Variants in PRKAG2 observed in about 807,000 individuals in gnomAD.
PRKAG2 encodes the protein protein kinase AMP-activated non-catalytic subunit gamma 2, also known as 5'-AMP-activated protein kinase subunit gamma-2.
A neutral mutation model predicts 69.6 loss-of-function variants in PRKAG2; 26 were observed. The observed-to-expected ratio is 0.37, with a 90% CI of 0.27 to 0.52. PRKAG2 has a LOEUF of 0.52. PRKAG2 is among the 20% of genes least tolerant of loss of function. PRKAG2 has a pLI of 0.90. For missense variants in PRKAG2, 557 were observed against 740.0 expected (o/e 0.75, Z 2.87); for synonymous variants, 293 against 285.0 (o/e 1.03, Z -0.28).
At chr7:151,628,205 G>T (rs1823493137) in intron 5 of PRKAG2, among the ~76,000 whole-genome samples, 1 of 152,192 alleles carries the variant, frequency 6.6e-6, no homozygotes, top group African/African-American at 2.4e-5. Flanking sequence ...TCATGAAGTG[G>T]TACCAGAGTA....
At chr7:151,845,648 C>A (rs973238762) in intron 1 of PRKAG2, among the ~76,000 whole-genome samples, 2 of 152,092 alleles carry the variant, frequency 1.3e-5, no homozygotes, top group Non-Finnish European at 2.9e-5. Context: ...TTTTCAGATG[C>A]CTGCCTCCCT....
Position 151,814,429 on chromosome 7 carries a change from G to T in PRKAG2, c.115-27888C>A. On this transcript the variant is annotated intron_variant, in intron 1 of 15. Transcript: ENST00000287878. This position sits in a 1 kb window ranked among gnomAD's most constrained non-coding sequence, Gnocchi z 4.8. ...AGGTCTGCTTACTCAGCCCCAAGGG[G>T]TCCTGGAGGTCTTCTCTTCCAGATG... 2 of 1,228,716 alleles carry T rather than the reference G, an allele frequency of 1.6e-6. No homozygotes were observed. The highest frequency in any genetic ancestry group is 2.0e-6 in the Non-Finnish European group (2 of 986,632). 76.1% of individuals were successfully genotyped at this position (1,228,716 alleles called of 1,614,324 possible).
chr7:151,686,352 T>C (rs1333360209), intron 3 of PRKAG2, among the ~76,000 whole-genome samples: 1 of 152,178 alleles, frequency 6.6e-6, no homozygotes, highest in Non-Finnish European at 1.5e-5. Context: ...TTCTTTATGG[T>C]CATGTGGTCC....
chr7:151,784,951 C>T (rs139944492), intron 2 of PRKAG2, among the ~76,000 whole-genome samples: 1 of 152,354 alleles, frequency 6.6e-6, no homozygotes, highest in African/African-American at 2.4e-5. Flanking sequence ...GGCGGAGGGA[C>T]AGGCCTGCTG....
intron 1 of PRKAG2, among the ~76,000 whole-genome samples, chr7:151,849,284 C>A (rs756360822): frequency 6.6e-6 from 1 of 152,256 alleles, no homozygotes; most frequent in Non-Finnish European, 1.5e-5. Flanking sequence ...CCCTCCCACA[C>A]GGGGCGGTCT....
chr7:151,619,983 T>TA (rs1821088419), intron 5 of PRKAG2, among the ~76,000 whole-genome samples: 1 of 152,168 alleles, frequency 6.6e-6, no homozygotes, highest in African/African-American at 2.4e-5. Context: ...ATCGCGCCAC[T>TA]GTACTCTAGC....
chr7:151,567,484 T>C lies in PRKAG2; in HGVS notation c.1233+1232A>G, dbSNP rs1021052717. Among the ~76,000 whole-genome samples, 1 of 152,176 alleles carries C rather than the reference T, an allele frequency of 6.6e-6. No homozygotes were observed. Among genetic ancestry groups the C allele is most frequent in the African/African-American group, 2.4e-5 (1 of 41,436 alleles). ...TGATGACTCTAAGGATTAAGTGAGC[T>C]GCAGGCCTGGCACGTGGGGGCCCTG... On this transcript the variant is annotated intron_variant, in intron 11 of 15. Coordinates refer to ENST00000287878, the MANE Select transcript of PRKAG2 (RefSeq NM_016203.4). This position sits in a 1 kb window ranked among gnomAD's most constrained non-coding sequence, Gnocchi z 4.2.
At chr7:151,681,842 T>TA (rs1833933771) in intron 3 of PRKAG2, among the ~76,000 whole-genome samples, 2 of 151,896 alleles carry the variant, frequency 1.3e-5, no homozygotes, top group South Asian at 4.2e-4. Flanking sequence ...ATTTTAGCTG[T>TA]ATGAATTACT....
Position 151,853,968 on chromosome 7 carries a change from C to T in PRKAG2, c.114+22539G>A, listed in dbSNP as rs192141647. On this transcript the variant is annotated intron_variant, in intron 1 of 15. Coordinates refer to ENST00000287878, the MANE Select transcript of PRKAG2 (RefSeq NM_016203.4). Reference sequence around the variant, plus strand: ...AAACCAAAAACAAATAGAATCCAGGCCCCCTTTATTCTACAGACAAGGATA... The same window carrying T: ...AAACCAAAAACAAATAGAATCCAGGTCCCCTTTATTCTACAGACAAGGATA... Among the ~76,000 whole-genome samples, 284 of 152,132 alleles carry T rather than the reference C, an allele frequency of 1.9e-3. 1 individual carries two copies. The highest frequency in any genetic ancestry group is 3.4e-3 in the Middle Eastern group (1 of 294).
chr7:151,590,082 G>A lies in PRKAG2; in HGVS notation c.864+5263C>T, dbSNP rs534961776. On this transcript the variant is annotated intron_variant, in intron 6 of 15. Transcript: ENST00000287878. Reference sequence around the variant, plus strand: ...ATCAGATTCCTGTAATCCAGGGCAGGCCATGGCATTGTGACTAAAAAAGCC... The same window carrying A: ...ATCAGATTCCTGTAATCCAGGGCAGACCATGGCATTGTGACTAAAAAAGCC... Among the ~76,000 whole-genome samples, 27 of 152,296 alleles carry A rather than the reference G, an allele frequency of 1.8e-4. 1 individual carries two copies. In the South Asian group the frequency reaches 5.4e-3, roughly 30 times the overall value.
chr7:151,855,258 CCA>C (rs1431936552), intron 1 of PRKAG2, among the ~76,000 whole-genome samples: 15 of 74,472 alleles, frequency 2.0e-4, no homozygotes, highest in South Asian at 5.0e-4. Context: ...ACACCACCCT[CCA>C]CACACACCAC....
In PRKAG2 at chr7:151,711,925, G is replaced by A. The variant is rs141446922; in HGVS notation, c.467-36288C>T. Among the ~76,000 whole-genome samples the A allele has an allele frequency of 8.2e-3, 1,256 of 152,310 alleles. 19 individuals are homozygous for A. The highest frequency in any genetic ancestry group is 0.028 in the African/African-American group (1,183 of 41,576). ...ATGGGGACACAGGTCCAGTGTTGGT[G>A]GCCTGCCACCGACTGGGTTTGGCAC... On this transcript the variant is annotated intron_variant, in intron 3 of 15. Coordinates refer to ENST00000287878, the MANE Select transcript of PRKAG2 (RefSeq NM_016203.4).
At chr7:151,759,685 T>G (rs1383850766) in intron 3 of PRKAG2, among the ~76,000 whole-genome samples, 3 of 152,184 alleles carry the variant, frequency 2.0e-5, no homozygotes, top group Admixed American at 2.0e-4. Flanking sequence ...AGGACCAACC[T>G]GCTCCCAGCA....
At chr7:151,731,391 AAGGCC>A (rs2151681190) in intron 3 of PRKAG2, among the ~76,000 whole-genome samples, 1 of 152,336 alleles carries the variant, frequency 6.6e-6, no homozygotes, top group Admixed American at 6.5e-5. Flanking sequence ...GCTCTGTCAC[AAGGCC>A]AGCGGGTGAA....
At chr7:151,661,008 T>TGAAC (rs1830225637) in intron 4 of PRKAG2, among the ~76,000 whole-genome samples, 1 of 152,234 alleles carries the variant, frequency 6.6e-6, no homozygotes, top group African/African-American at 2.4e-5. Flanking sequence ...CCAGAACTTC[T>TGAAC]TCATCTTACA....
At chr7:151,566,713 G>GAAA in intron 11 of PRKAG2, 6 of 287,414 alleles carry the variant, frequency 2.1e-5, no homozygotes, top group Non-Finnish European at 3.4e-5. Flanking sequence ...GAAATTTAGA[G>GAAA]AAAAAAAAAA....
rs1237951205 is a variant in PRKAG2 at position 151,752,832 on chromosome 7, A to G, written c.466+28320T>C. 2.6e-5 allele frequency among the ~76,000 whole-genome samples: 4 copies of G among 152,272 alleles called. No individual in the cohort carries two copies. The East Asian group carries it at 7.7e-4, about 29-fold the overall frequency. ...TGATGAGAAAGAAGACATTTACACA[A>G]TCCCAAAGTAGGTCCCCCTGAAGCC... On this transcript the variant is annotated intron_variant, in intron 3 of 15. Transcript: ENST00000287878.
chr7:151,560,425 T>C (rs767897754), intron 15 of PRKAG2, 99 bp downstream of exon 15: 1 of 1,609,940 alleles, frequency 6.2e-7, no homozygotes, highest in Non-Finnish European at 8.5e-7. Context: ...CCTTGATCTG[T>C]AGGTGGGTGG....
intron 4 of PRKAG2, among the ~76,000 whole-genome samples, chr7:151,666,739 G>A (rs996347186): frequency 1.3e-5 from 2 of 152,112 alleles, no homozygotes; most frequent in African/African-American, 2.4e-5. Flanking sequence ...CCCTGCCTGG[G>A]CCTAATGAAA....
Sources: allele counts gnomAD v4.1 joint callset (sites outside exome capture counted in the v4.1 genomes callset), GRCh38; gene constraint gnomAD v4.1.1; non-coding constraint Gnocchi (gnomAD v3.1); transcripts MANE v1.5; gene names NCBI Gene and HGNC (gene_info 2026-07-23, HGNC 2026-07-21).